The following NCOA4 variants were observed in gnomAD, a reference collection of about 807,000 sequenced individuals.
NCOA4 encodes the protein 70 kDa AR-activator.
A neutral mutation model predicts 69.5 loss-of-function variants in NCOA4; 31 were observed. The observed-to-expected ratio is 0.45, with a 90% CI of 0.34 to 0.60. NCOA4 has a LOEUF of 0.60. NCOA4 is among the 20% of genes least tolerant of loss of function. The pLI, the probability that NCOA4 is intolerant of heterozygous loss-of-function variation, is 0.02. For synonymous variants in NCOA4, 228 were observed against 252.4 expected (o/e 0.90, Z 0.92); for missense variants, 600 against 719.2 (o/e 0.83, Z 1.90).
intron 6 of NCOA4, among the ~76,000 whole-genome samples, 183 bp downstream of exon 6, chr10:46,013,367 C>T (rs1175752958): frequency 6.6e-6 from 1 of 152,088 alleles, no homozygotes; most frequent in Non-Finnish European, 1.5e-5. Flanking sequence ...TTAATCAGCC[C>T]CGACAAGACA....
At chr10:46,027,016 A>T (rs1371764738) in intron 1 of NCOA4, among the ~76,000 whole-genome samples, 6 of 152,226 alleles carry the variant, frequency 3.9e-5, no homozygotes, top group African/African-American at 9.6e-5. Flanking sequence ...CTGTAATCCC[A>T]AAACTTTGGA....
rs1838834444 is a variant in NCOA4 at position 46,006,664 on chromosome 10, T to A, written c.1840-67A>T. 2.7e-6 allele frequency: 4 copies of A among 1,488,548 alleles called. No homozygotes were observed. The African/African-American group carries it at 4.1e-5, about 15-fold the overall frequency. The allele number at this position is 1,488,548 out of a possible 1,614,324, so 92.2% of individuals were successfully genotyped here. ...GAATAAAAGCAAATTTTCCCTGCCTTAAAGCTCCGACTCATTTCCCAATAC... is the reference window on the plus strand; with the variant it reads ...GAATAAAAGCAAATTTTCCCTGCCTAAAAGCTCCGACTCATTTCCCAATAC... On this transcript the variant is annotated intron_variant, in intron 9 of 9. Transcript: ENST00000581486.
In NCOA4 at chr10:46,010,665, T is replaced by TCA; in HGVS notation, c.1254_1255dup (p.Asp419ValfsTer15). On this transcript the variant is annotated frameshift_variant, in exon 8 of 10. Coordinates refer to ENST00000581486, the MANE Select transcript of NCOA4 (RefSeq NM_001145263.2). LOFTEE classifies it high-confidence loss of function. ...CAGAGCCTCCTTCTCACAATTCTCATCACACACACACTCTGCAAAGCTTGT... is the reference window on the plus strand; with the variant it reads ...CAGAGCCTCCTTCTCACAATTCTCATCACACACACACACTCTGCAAAGCTTGT... The TCA allele has an allele frequency of 1.2e-6, 2 of 1,614,106 alleles. No homozygotes were observed. Among genetic ancestry groups the TCA allele is most frequent in the Non-Finnish European group, 1.7e-6 (2 of 1,179,990 alleles).
chr10:46,011,072 A>C lies in NCOA4; in HGVS notation c.849T>G (p.Ile283Met), dbSNP rs782715062. 1 of 1,613,862 alleles carries C rather than the reference A, an allele frequency of 6.2e-7. No individual in the cohort carries two copies. Among genetic ancestry groups the C allele is most frequent in the South Asian group, 1.1e-5 (1 of 91,058 alleles). Residue 283 changes from isoleucine to methionine, a missense_variant, in exon 8 of 10, where the codon ATT (isoleucine) becomes ATG (methionine). Ile to Met is a conservative substitution (Grantham distance 10). Coordinates refer to ENST00000581486, the MANE Select transcript of NCOA4 (RefSeq NM_001145263.2). Reference sequence around the variant, plus strand: ...CTTGATCTCCAACCTTTTCCATTTCAATGGAGAAAGAACTAGTAGTGGAAT... The same window carrying C: ...CTTGATCTCCAACCTTTTCCATTTCCATGGAGAAAGAACTAGTAGTGGAAT... ...NSHSTTSSFS[I>M]EMEKVGDQEL...
At position 46,027,718 on chromosome 10, in the gene NCOA4, C is replaced by T. The variant is rs116022075; in HGVS notation, c.-15+2808G>A. On this transcript the variant is annotated intron_variant, in intron 1 of 9. Coordinates refer to ENST00000581486, the MANE Select transcript of NCOA4 (RefSeq NM_001145263.2). ...TTTAGGCTTGCCTTTGCAACCTAAC[C>T]AGTATGTGAACAGAGGCAGTGAATT... Among the ~76,000 whole-genome samples the T allele has an allele frequency of 4.5e-3, 689 of 152,316 alleles. 5 individuals carry two copies. The highest frequency in any genetic ancestry group is 0.019 in the East Asian group (98 of 5,176).
At chr10:46,024,574 T>G (rs548657317) in intron 1 of NCOA4, among the ~76,000 whole-genome samples, 1 of 152,206 alleles carries the variant, frequency 6.6e-6, no homozygotes, top group Admixed American at 6.5e-5. Flanking sequence ...ACTATAATGA[T>G]GTGATTTATT....
At chr10:46,028,437 A>G (rs1313736922) in intron 1 of NCOA4, among the ~76,000 whole-genome samples, 4 of 152,096 alleles carry the variant, frequency 2.6e-5, no homozygotes, top group African/African-American at 9.7e-5. Flanking sequence ...AAATGAATTC[A>G]GTAAGTATTT....
At chr10:46,012,070 GAAAAA>G (rs71026286) in intron 7 of NCOA4, among the ~76,000 whole-genome samples, 35 of 44,508 alleles carry the variant, frequency 7.9e-4, no homozygotes, top group African/African-American at 1.9e-3. Context: ...CAAAAAGAAA[GAAAAA>G]AAAAAAAAAA....
At chr10:46,027,420 A>T (rs1411044472) in intron 1 of NCOA4, 1 of 1,551,360 alleles carries the variant, frequency 6.4e-7, no homozygotes. Context: ...TGGAGATAGT[A>T]TTAATGCCTA....
rs782671916 is a variant in NCOA4 at position 46,011,059 on chromosome 10, C to T, written c.862G>A (p.Val288Ile). The change falls in exon 8 of 10, where the codon GTT becomes ATT. Residue 288 changes from valine to isoleucine, a missense_variant. Physicochemically the swap from Val to Ile is conservative, Grantham distance 29 (BLOSUM62 3). Transcript: ENST00000581486. ...TSSFSIEMEK[V>I]GDQELPDQDE... ...TGATCAGGAAGCTCTTGATCTCCAA[C>T]CTTTTCCATTTCAATGGAGAAAGAA... 3.1e-6 allele frequency: 5 copies of T among 1,613,820 alleles called. No individual in the cohort carries two copies. The highest frequency in any genetic ancestry group is 1.1e-5 in the South Asian group (1 of 91,078).
At chr10:46,013,335 T>G (rs1299978872) in intron 6 of NCOA4, among the ~76,000 whole-genome samples, 1 of 152,232 alleles carries the variant, frequency 6.6e-6, no homozygotes, top group Non-Finnish European at 1.5e-5. Flanking sequence ...TCCTGTGAAC[T>G]GATTGATAAT....
At chr10:46,021,792 T>C (rs1258417519) in intron 1 of NCOA4, among the ~76,000 whole-genome samples, 1 of 152,050 alleles carries the variant, frequency 6.6e-6, no homozygotes, top group Non-Finnish European at 1.5e-5. Flanking sequence ...AAACCCTGTC[T>C]CTAATAAAAA....
chr10:46,016,712 A>G lies in NCOA4; in HGVS notation c.-14-18T>C, dbSNP rs1554923358. The G allele has an allele frequency of 2.2e-6, 3 of 1,386,550 alleles. No individual in the cohort carries two copies. The highest frequency in any genetic ancestry group is 2.8e-6 in the Non-Finnish European group (3 of 1,056,020). The allele number at this position is 1,386,550 out of a possible 1,614,324, so 85.9% of individuals were successfully genotyped here. A position where few individuals can be genotyped will look rare whatever the true frequency, so the allele number is the denominator to read the frequency against. ...CACTGCTCCTTTAAAAGAAAAAAAT[A>G]TATATAAATAGCACCATAATTACAA... On this transcript the variant is annotated intron_variant, in intron 1 of 9. Transcript: ENST00000581486.
intron 1 of NCOA4, among the ~76,000 whole-genome samples, chr10:46,017,701 T>C (rs954196798): frequency 3.3e-5 from 5 of 152,068 alleles, no homozygotes; most frequent in Admixed American, 6.6e-5. Flanking sequence ...GACACAGAAA[T>C]TGGTGTGGGT....
chr10:46,021,685 C>A (rs1590174298), intron 1 of NCOA4, among the ~76,000 whole-genome samples: 1 of 152,278 alleles, frequency 6.6e-6, no homozygotes, highest in East Asian at 1.9e-4. Context: ...ACTGGCCGGG[C>A]GCGGTGACTC....
rs559426398 is a variant in NCOA4 at position 46,015,922 on chromosome 10, C to T, written c.141+618G>A. On this transcript the variant is annotated intron_variant, in intron 2 of 9. Coordinates refer to ENST00000581486, the MANE Select transcript of NCOA4 (RefSeq NM_001145263.2). ...TCAAACAGGGCTAAATATAAAAATC[C>T]CAAGGGAAAAAGTCAAAACAGGCCA... Among the ~76,000 whole-genome samples, 4 of 152,108 alleles carry T rather than the reference C, an allele frequency of 2.6e-5. No homozygotes were observed. In the East Asian group the frequency reaches 7.7e-4, roughly 29 times the overall value.
intron 1 of NCOA4, chr10:46,019,302 T>A: frequency 6.1e-6 from 6 of 984,732 alleles, no homozygotes; most frequent in Non-Finnish European, 7.2e-6. Flanking sequence ...TGGAACTCAC[T>A]GCAGGGACTA....
chr10:46,006,598 C>G lies in NCOA4; in HGVS notation c.1840-1G>C. 1.2e-6 allele frequency: 2 copies of G among 1,614,070 alleles called. No homozygotes were observed. The highest frequency in any genetic ancestry group is 1.1e-5 in the South Asian group (1 of 91,076). ...TCAACTCTTGTCCATTCCTTCACAT[C>G]TGTAAAGAGACACCCACAGATGATA... On this transcript the variant is annotated splice_acceptor_variant, in intron 9 of 9. Transcript: ENST00000581486. LOFTEE classifies it high-confidence loss of function.
At chr10:46,023,299 C>A in intron 1 of NCOA4, 2 of 985,558 alleles carry the variant, frequency 2.0e-6, no homozygotes, top group Non-Finnish European at 2.4e-6. Context: ...CTCAAGGGCT[C>A]CCGCTACGGC....
Sources: allele counts gnomAD v4.1 joint callset (sites outside exome capture counted in the v4.1 genomes callset), GRCh38; gene constraint gnomAD v4.1.1; transcripts MANE v1.5; gene names NCBI Gene and HGNC (gene_info 2026-07-23, HGNC 2026-07-21).